LIMCH1: variants seen among roughly 807,000 people sequenced by gnomAD.
LIMCH1 encodes the protein LIM and calponin homology domains-containing protein 1.
A neutral mutation model predicts 176.5 loss-of-function variants in LIMCH1; 113 were observed. That is an observed-to-expected ratio of 0.64 (90% CI 0.55 to 0.75). The LOEUF is 0.75. Among genes scored for constraint, LIMCH1 ranks in the 30% least tolerant of loss-of-function variants. The pLI is 0.00. For synonymous variants in LIMCH1, 619 were observed against 645.9 expected (o/e 0.96, Z 0.63); for missense variants, 1,674 against 1,814.9 (o/e 0.92, Z 1.41).
At chr4:41,480,292 C>CAGTT (rs59864453) in intron 1 of LIMCH1, among the ~76,000 whole-genome samples, 69,649 of 151,612 alleles carry the variant, frequency 0.46, 19,453 homozygotes, top group African/African-American at 0.79. Context: ...GGCTAGCTGA[C>CAGTT]AGATGGACTG....
intron 1 of LIMCH1, among the ~76,000 whole-genome samples, chr4:41,455,076 TTC>T (rs2064404873): frequency 6.6e-6 from 1 of 152,164 alleles, no homozygotes; most frequent in Admixed American, 6.6e-5. Flanking sequence ...TGTACTGTAT[TTC>T]TCTATGGGTT....
chr4:41,515,557 C>T (rs1311573034), intron 2 of LIMCH1, among the ~76,000 whole-genome samples: 2 of 152,238 alleles, frequency 1.3e-5, no homozygotes, highest in Non-Finnish European at 2.9e-5. Context: ...GTATATTGTA[C>T]ACCGGGCCTG....
intron 1 of LIMCH1, among the ~76,000 whole-genome samples, chr4:41,589,905 C>T (rs1043369828): frequency 1.3e-5 from 2 of 152,132 alleles, no homozygotes; most frequent in African/African-American, 4.8e-5. Flanking sequence ...TTCCCTTCCT[C>T]ACAGATCTCC....
chr4:41,512,249 A>G (rs1409808484), intron 2 of LIMCH1, among the ~76,000 whole-genome samples: 1 of 152,216 alleles, frequency 6.6e-6, no homozygotes, highest in Admixed American at 6.5e-5. Context: ...AAAGGAAGAC[A>G]GTAAGAAGTG....
At position 41,452,802 on chromosome 4, in the gene LIMCH1, A is replaced by C. The variant is rs956702653; in HGVS notation, c.97-41734A>C. ...TCCTTTTTTGGGGTCCTCTGTTGTT[A>C]ATAGCAGTTTTTGTGCCTTTTTAAT... On this transcript the variant is annotated intron_variant, in intron 1 of 26. Transcript: ENST00000313860. 2.6e-5 allele frequency among the ~76,000 whole-genome samples: 4 copies of C among 152,192 alleles called. No individual in the cohort carries two copies. In the East Asian group the frequency reaches 7.7e-4, roughly 29 times the overall value.
chr4:41,433,658 G>A (rs926353346), intron 1 of LIMCH1, among the ~76,000 whole-genome samples: 9 of 151,200 alleles, frequency 6.0e-5, no homozygotes, highest in African/African-American at 1.7e-4. Flanking sequence ...GGAAAAGAAA[G>A]CAGAAGCTGT....
At chr4:41,447,982 G>C (rs1350851984) in intron 1 of LIMCH1, among the ~76,000 whole-genome samples, 1 of 152,158 alleles carries the variant, frequency 6.6e-6, no homozygotes, top group Non-Finnish European at 1.5e-5. Flanking sequence ...GTAGAAACAT[G>C]GTTTTGCCAT....
chr4:41,360,563 A>C (rs1032002166), upstream of LIMCH1: 1 of 213,700 alleles, frequency 4.7e-6, no homozygotes, highest in African/African-American at 2.3e-5. The surrounding 1 kb of genome is among the most constrained non-coding windows in gnomAD (Gnocchi z 4.5). Context: ...CCGGGGGCGG[A>C]GCGGCCCTCG....
At chr4:41,399,840 AT>A (rs71198650) in intron 1 of LIMCH1, among the ~76,000 whole-genome samples, 1,144 of 114,044 alleles carry the variant, frequency 0.01, 22 homozygotes, top group African/African-American at 0.028. Flanking sequence ...TGCCCGGCTA[AT>A]TTTTTTTTTT....
At chr4:41,373,656 G>T (rs1468257662) in intron 1 of LIMCH1, among the ~76,000 whole-genome samples, 2 of 152,210 alleles carry the variant, frequency 1.3e-5, no homozygotes, top group Non-Finnish European at 2.9e-5. Context: ...ATGAGTGAAT[G>T]GCTAAGGGTT....
At chr4:41,552,403 C>T (rs1270723875) in intron 1 of LIMCH1, among the ~76,000 whole-genome samples, 4 of 152,154 alleles carry the variant, frequency 2.6e-5, no homozygotes, top group Admixed American at 6.5e-5. Context: ...GCATGTGCCA[C>T]GCCTGCATCA....
chr4:41,365,376 G>A (rs1316898577), intron 1 of LIMCH1, among the ~76,000 whole-genome samples: 5 of 152,110 alleles, frequency 3.3e-5, no homozygotes, highest in Non-Finnish European at 7.3e-5. Context: ...AAACACTGAG[G>A]GTATCATAGC....
chr4:41,690,644 G>C (rs16853490), intron 30 of LIMCH1, among the ~76,000 whole-genome samples: 2,475 of 151,962 alleles, frequency 0.016, 57 homozygotes, highest in African/African-American at 0.057. Flanking sequence ...AATTTGCCTG[G>C]GTTTAAAATA....
In LIMCH1 at chr4:41,570,376, ACT is replaced by A. The variant is rs758225836; in HGVS notation, c.-240-28539_-240-28538del. On this transcript the variant is annotated intron_variant, in intron 1 of 31. Transcript: ENST00000503057. ...TCACTTCCACTTAATTGCTGTAGGG[ACT>A]CTCTGGTTTCAACAGGAGCCTTTGA... 5.9e-5 allele frequency among the ~76,000 whole-genome samples: 9 copies of A among 152,040 alleles called. No homozygotes were observed. In the East Asian group the frequency reaches 1.2e-3, roughly 20 times the overall value.
At chr4:41,682,009 G>T (rs1269441313) in intron 25 of LIMCH1, among the ~76,000 whole-genome samples, 1 of 152,144 alleles carries the variant, frequency 6.6e-6, no homozygotes, top group African/African-American at 2.4e-5. Context: ...TCAAGACCTG[G>T]GTGGTCCATA....
In LIMCH1 at chr4:41,698,870, C is replaced by T. The variant is rs528764907; in HGVS notation, c.*1685C>T. The stretch of plus-strand genomic sequence containing the variant: ...AAATTGTGCCTTAGAAAACGCAAAG[C>T]TGTTGCACATGGCGATAAATTATGG... On this transcript the variant is annotated 3_prime_UTR_variant, in exon 32 of 32. Coordinates refer to ENST00000503057, the MANE Select transcript of LIMCH1 (RefSeq NM_001330672.2). 1.0e-4 allele frequency: 16 copies of T among 152,630 alleles called. No individual in the cohort carries two copies. Among genetic ancestry groups the T allele is most frequent in the Admixed American group, 5.2e-4 (8 of 15,292 alleles). 9.5% of individuals were successfully genotyped at this position (152,630 alleles called of 1,614,324 possible). A position where few individuals can be genotyped will look rare whatever the true frequency, so the allele number is the denominator to read the frequency against.
intron 1 of LIMCH1, among the ~76,000 whole-genome samples, chr4:41,404,691 A>G (rs946119999): frequency 9.9e-5 from 15 of 152,124 alleles, no homozygotes; most frequent in African/African-American, 3.6e-4. Flanking sequence ...AGGCAGGAAA[A>G]TCACTTGAAC....
intron 28 of LIMCH1, among the ~76,000 whole-genome samples, chr4:41,686,088 A>G (rs961744731): frequency 6.6e-6 from 1 of 152,218 alleles, no homozygotes; most frequent in African/African-American, 2.4e-5. Context: ...AAACATTGGA[A>G]AGCAGGTGCA....
In LIMCH1 at chr4:41,540,225, A is replaced by G. The variant is rs2078443144; in HGVS notation, c.-241+1875A>G. Among the ~76,000 whole-genome samples, 5 of 151,910 alleles carry G rather than the reference A, an allele frequency of 3.3e-5. No individual in the cohort carries two copies. The South Asian group carries it at 8.3e-4, about 25-fold the overall frequency. ...TAATTAATATAGGTAAAGAGTCTAG[A>G]TTTTTTTTTCTTGTCATGTGGTTCA... is the stretch of plus-strand genomic sequence containing the variant. On this transcript the variant is annotated intron_variant, in intron 1 of 31. Transcript: ENST00000503057.
Sources: gnomAD v4.1 joint callset for allele counts (sites outside exome capture counted in the v4.1 genomes callset) on GRCh38, gnomAD v4.1.1 for gene constraint, Gnocchi (gnomAD v3.1) non-coding constraint, MANE v1.5 for transcripts, NCBI Gene and HGNC (gene_info 2026-07-23, HGNC 2026-07-21) for gene names.